WRN: variants seen among roughly 807,000 people sequenced by gnomAD.
The protein encoded by WRN is bifunctional 3'-5' exonuclease/ATP-dependent helicase WRN.
Under a neutral mutation model 180.7 loss-of-function variants are expected in WRN, and 149 were observed. That is an observed-to-expected ratio of 0.82 (90% CI 0.72 to 0.94). The LOEUF is 0.94. Among genes scored for constraint, WRN ranks in the 40% least tolerant of loss-of-function variants. WRN has a pLI of 0.00. For missense variants in WRN, 1,661 were observed against 1,700.1 expected (o/e 0.98, Z 0.40); for synonymous variants, 548 against 568.9 (o/e 0.96, Z 0.52).
rs1311969126 is a variant in WRN, at chr8:31,175,628, C to T, written c.*2526C>T. 6.6e-6 allele frequency among the ~76,000 whole-genome samples: 1 copy of T among 152,182 alleles called. No individual in the cohort carries two copies. The highest frequency in any genetic ancestry group is 1.5e-5 in the Non-Finnish European group (1 of 68,040). On this transcript the variant is annotated 3_prime_UTR_variant, in exon 35 of 35. Transcript: ENST00000298139. ...GTAAAATTTCAGAGAACAATGTCCACCATTATCTGAACAGGCTATTAAAAT... is the reference window on the plus strand; with the variant it reads ...GTAAAATTTCAGAGAACAATGTCCATCATTATCTGAACAGGCTATTAAAAT...
At chr8:31,062,745 C>T (rs918796148) in intron 3 of WRN, among the ~76,000 whole-genome samples, 1 of 152,082 alleles carries the variant, frequency 6.6e-6, no homozygotes, top group African/African-American at 2.4e-5. Flanking sequence ...AGAAATGAAA[C>T]AGTAAAATAC....
chr8:31,042,201 T>A (rs763215228), intron 1 of WRN, among the ~76,000 whole-genome samples: 13 of 152,180 alleles, frequency 8.5e-5, no homozygotes, highest in Non-Finnish European at 1.6e-4. Flanking sequence ...AATAACATAG[T>A]ATCTTTGTAG....
intron 18 of WRN, among the ~76,000 whole-genome samples, chr8:31,102,731 T>C (rs1218846668): frequency 6.6e-6 from 1 of 152,200 alleles, no homozygotes; most frequent in Non-Finnish European, 1.5e-5. Flanking sequence ...CGAGTGAATG[T>C]AAAGGCCTAG....
At chr8:31,096,160 T>G (rs11574259) in intron 16 of WRN, among the ~76,000 whole-genome samples, 1 of 152,202 alleles carries the variant, frequency 6.6e-6, no homozygotes, top group Non-Finnish European at 1.5e-5. Flanking sequence ...TTGTTCCTAT[T>G]TGATTCCTTG....
rs772023403 is a variant in WRN at position 31,096,866 on chromosome 8, A to G, written c.1981+16A>G. On this transcript the variant is annotated intron_variant, in intron 17 of 34. Coordinates refer to ENST00000298139, the MANE Select transcript of WRN (RefSeq NM_000553.6). Reference sequence around the variant, plus strand: ...GCTGATATTGGTAAGTGATAAAGAAAGATCTCTGTAAATACTTACTGAGTT... The same window carrying G: ...GCTGATATTGGTAAGTGATAAAGAAGGATCTCTGTAAATACTTACTGAGTT... The G allele has an allele frequency of 1.2e-6, 2 of 1,604,374 alleles. No homozygotes were observed. The highest frequency in any genetic ancestry group is 1.1e-5 in the South Asian group (1 of 90,886).
At position 31,173,026 on chromosome 8, in the gene WRN, C is replaced by A; in HGVS notation, c.4223C>A (p.Pro1408His). The change falls in exon 35 of 35, where the codon CCT becomes CAT. Residue 1408 changes from proline (P) to histidine (H), a missense_variant. Coordinates refer to ENST00000298139, the MANE Select transcript of WRN (RefSeq NM_000553.6). ...TCTGCAGAGAGAAAGAGACGATTACCTGTGTGGTTTGCCAAAGGAAGTGAT... is the reference window on the plus strand; with the variant it reads ...TCTGCAGAGAGAAAGAGACGATTACATGTGTGGTTTGCCAAAGGAAGTGAT... ...TSSAERKRRL[P>H]VWFAKGSDTS... The A allele has an allele frequency of 6.2e-7, 1 of 1,613,878 alleles. No individual in the cohort carries two copies. The highest frequency in any genetic ancestry group is 1.1e-5 in the South Asian group (1 of 91,082).
intron 27 of WRN, among the ~76,000 whole-genome samples, chr8:31,143,054 CA>C (rs1184533912): frequency 0.01 from 384 of 37,724 alleles, 2 homozygotes; most frequent in East Asian, 0.075. Flanking sequence ...CACACACACA[CA>C]TTCTCTCTCT....
At chr8:31,065,261 C>T (rs1214464513) in intron 5 of WRN, among the ~76,000 whole-genome samples, 198 bp downstream of exon 5, 3 of 151,964 alleles carry the variant, frequency 2.0e-5, no homozygotes, top group East Asian at 3.9e-4. Context: ...GTTTCAAGAT[C>T]GGGGTACATG....
intron 28 of WRN, among the ~76,000 whole-genome samples, chr8:31,145,808 G>A (rs1297777551): frequency 6.6e-6 from 1 of 151,966 alleles, no homozygotes; most frequent in Non-Finnish European, 1.5e-5. Context: ...AATATTAATA[G>A]GAATTTGGAA....
In WRN at chr8:31,164,337, A is replaced by G. The variant is rs980093319; in HGVS notation, c.3983-2685A>G. On this transcript the variant is annotated intron_variant, in intron 33 of 34. Transcript: ENST00000298139. ...ATAACGATTCAGATATGTTATTTTC[A>G]TATTTTATTTAACTGTAGCCATGCC... is the stretch of plus-strand genomic sequence containing the variant. Among the ~76,000 whole-genome samples, 9 of 152,324 alleles carry G rather than the reference A, an allele frequency of 5.9e-5. No individual in the cohort carries two copies. The South Asian group carries it at 1.5e-3, about 25-fold the overall frequency.
chr8:31,078,996 G>GT (rs1420663121), intron 8 of WRN, among the ~76,000 whole-genome samples: 1 of 152,112 alleles, frequency 6.6e-6, no homozygotes, highest in Non-Finnish European at 1.5e-5. Context: ...CCATGTAACA[G>GT]TTAAACTGTA....
At chr8:31,107,256 A>C (rs62506091) in intron 18 of WRN, among the ~76,000 whole-genome samples, 121,309 of 151,590 alleles carry the variant, frequency 0.8, 48,643 homozygotes, top group East Asian at 0.89. Context: ...GATTTCCATT[A>C]ATTTAGAATG....
intron 17 of WRN, among the ~76,000 whole-genome samples, chr8:31,097,763 A>G (rs963354367): frequency 6.6e-6 from 1 of 151,878 alleles, no homozygotes; most frequent in Non-Finnish European, 1.5e-5. Context: ...TGGGCAACAG[A>G]GCGAGACCAT....
intron 3 of WRN, among the ~76,000 whole-genome samples, chr8:31,061,440 C>A (rs1443265993): frequency 6.6e-6 from 1 of 150,736 alleles, no homozygotes; most frequent in Non-Finnish European, 1.5e-5. Context: ...TCTGTTAATT[C>A]CATTATTCTA....
intron 7 of WRN, among the ~76,000 whole-genome samples, chr8:31,074,683 A>T (rs1172048190): frequency 6.6e-6 from 1 of 152,120 alleles, no homozygotes; most frequent in Non-Finnish European, 1.5e-5. Context: ...GGTAGGTAAA[A>T]AAAGTGGGTT....
intron 8 of WRN, among the ~76,000 whole-genome samples, chr8:31,078,200 A>G (rs1813167522): frequency 6.6e-6 from 1 of 152,194 alleles, no homozygotes; most frequent in Admixed American, 6.5e-5. Context: ...GAAGCTGAAT[A>G]GGTTTTCTTA....
chr8:31,161,326 T>A (rs1173275195), intron 33 of WRN, among the ~76,000 whole-genome samples: 2 of 152,146 alleles, frequency 1.3e-5, no homozygotes, highest in Non-Finnish European at 2.9e-5. Context: ...AAATGTGTTG[T>A]TGGGCGATTT....
At chr8:31,058,590 A>C (rs1812366185) in intron 2 of WRN, 47 bp downstream of exon 2, 2 of 1,575,206 alleles carry the variant, frequency 1.3e-6, no homozygotes, top group Non-Finnish European at 1.7e-6. Context: ...TTTAATTTAT[A>C]TTTGACTGTG....
At chr8:31,109,723 A>G (rs1374002039) in intron 18 of WRN, among the ~76,000 whole-genome samples, 1 of 152,126 alleles carries the variant, frequency 6.6e-6, no homozygotes, top group Non-Finnish European at 1.5e-5. Flanking sequence ...TGAGATTGGC[A>G]CTGTTATTGT....
Sources: gnomAD v4.1 joint callset for allele counts (sites outside exome capture counted in the v4.1 genomes callset) on GRCh38, gnomAD v4.1.1 for gene constraint, MANE v1.5 for transcripts, NCBI Gene and HGNC (gene_info 2026-07-23, HGNC 2026-07-21) for gene names.